DHRS4L2: variants seen among roughly 807,000 people sequenced by gnomAD.
DHRS4L2 encodes the protein dehydrogenase/reductase 4 like 2, also known as dehydrogenase/reductase SDR family member 4-like 2.
In DHRS4L2, 22 loss-of-function variants were observed where a neutral mutation model predicts 23.9. The observed-to-expected ratio is 0.92, with a 90% CI of 0.66 to 1.31. The LOEUF (loss-of-function observed/expected upper bound fraction) is 1.31, where lower values mean the gene tolerates loss of function less well. Ranked by LOEUF, DHRS4L2 falls within the 40% of genes most tolerant of loss-of-function variation. The pLI, the probability that DHRS4L2 is intolerant of heterozygous loss-of-function variation, is 0.00. For synonymous variants in DHRS4L2, 141 were observed against 123.7 expected, an observed-to-expected ratio of 1.14 and a Z score of -0.93; for missense variants, 385 against 303.3, an observed-to-expected ratio of 1.27 and a Z score of -2.00.
intron 7 of DHRS4L2, among the ~76,000 whole-genome samples, 155 bp from the exon 8 acceptor site, chr14:24,005,731 G>A (rs1186118669): frequency 1.2e-4 from 18 of 151,914 alleles, no homozygotes; most frequent in Admixed American, 1.1e-3. Flanking sequence ...GCATATCCTC[G>A]TGGTAACCCT....
upstream of DHRS4L2, among the ~76,000 whole-genome samples, chr14:23,984,512 C>T (rs927859009): frequency 4.6e-5 from 7 of 151,404 alleles, no homozygotes; most frequent in African/African-American, 1.7e-4. Flanking sequence ...ATTTAAAACA[C>T]CCGACCGGGC....
chr14:23,996,980 T>C (rs2034396257), intron 3 of DHRS4L2, among the ~76,000 whole-genome samples: 1 of 151,274 alleles, frequency 6.6e-6, no homozygotes, highest in African/African-American at 2.4e-5. Context: ...TCATGAACAG[T>C]CTGAATACAG....
intron 1 of DHRS4L2, among the ~76,000 whole-genome samples, chr14:23,974,113 T>G (rs2033920328): frequency 6.6e-6 from 1 of 151,744 alleles, no homozygotes; most frequent in South Asian, 2.1e-4. Flanking sequence ...ACTGCACAAC[T>G]ACATGGAAAC....
chr14:23,971,291 T>C (rs1252929610), intron 1 of DHRS4L2, among the ~76,000 whole-genome samples: 2 of 151,918 alleles, frequency 1.3e-5, no homozygotes, highest in Admixed American at 6.6e-5. Flanking sequence ...GAATGAAGAA[T>C]GTAGAGAAGA....
chr14:23,992,929 C>T (rs2034298884), intron 2 of DHRS4L2, among the ~76,000 whole-genome samples: 1 of 147,148 alleles, frequency 6.8e-6, no homozygotes, highest in African/African-American at 2.5e-5. Flanking sequence ...GTCCTCCCCA[C>T]TGGGCCTACC....
Position 23,995,032 on chromosome 14 carries a change from G to T in DHRS4L2, c.307G>T (p.Ala103Ser), listed in dbSNP as rs145684750. ...GTCCAGACCTTACCCCTCTCTCTAG[G>T]CTGTGAAGCTTCATGGAGGTATCGA... ...AEDRERLVAMAVKLHGGIDIL... is the reference protein window; with the variant it reads ...AEDRERLVAMSVKLHGGIDIL... Residue 103 changes from alanine to serine, a missense_variant and splice_region_variant, in exon 3 of 8, where the codon GCT becomes TCT. Coordinates refer to ENST00000335125, the MANE Select transcript of DHRS4L2 (RefSeq NM_198083.4). 4.8e-4 allele frequency: 778 copies of T among 1,612,814 alleles called. 5 individuals are homozygous for T. Among genetic ancestry groups the T allele is most frequent in the Non-Finnish European group, 6.3e-4 (748 of 1,179,408 alleles).
chr14:23,991,640 A>C lies in DHRS4L2; in HGVS notation c.306+1281A>C, dbSNP rs538976744. Among the ~76,000 whole-genome samples, 7 of 151,706 alleles carry C rather than the reference A, an allele frequency of 4.6e-5. No homozygotes were observed. The South Asian group carries it at 1.5e-3, about 32-fold the overall frequency. On this transcript the variant is annotated intron_variant, in intron 2 of 7. Coordinates refer to ENST00000335125, the MANE Select transcript of DHRS4L2 (RefSeq NM_198083.4). Reference sequence around the variant, plus strand: ...CAGCCAAGGAGGAACTGAAGGAAAGAGAGGAGCACTGTCAGTCCACAGTGG... The same window carrying C: ...CAGCCAAGGAGGAACTGAAGGAAAGCGAGGAGCACTGTCAGTCCACAGTGG...
intron 1 of DHRS4L2, among the ~76,000 whole-genome samples, chr14:23,977,347 G>C (rs912792223): frequency 6.6e-6 from 1 of 151,638 alleles, no homozygotes; most frequent in Non-Finnish European, 1.5e-5. Context: ...CATTCTCAAT[G>C]ACAAACATGA....
chr14:23,994,364 C>A (rs1338882719), intron 2 of DHRS4L2, among the ~76,000 whole-genome samples: 1 of 151,520 alleles, frequency 6.6e-6, no homozygotes, highest in East Asian at 1.9e-4. Flanking sequence ...TCAGAGACAG[C>A]CTTGGAAGAA....
intron 1 of DHRS4L2, among the ~76,000 whole-genome samples, chr14:23,989,892 C>T (rs2034229871): frequency 6.6e-6 from 1 of 151,622 alleles, no homozygotes; most frequent in Non-Finnish European, 1.5e-5. Context: ...GCTCATTTCT[C>T]ACCTCTCAGT....
chr14:24,004,699 A>G, intron 7 of DHRS4L2: 1 of 511,028 alleles, frequency 2.0e-6, no homozygotes, highest in Non-Finnish European at 3.4e-6. Flanking sequence ...AGGGACCATA[A>G]CCAAAACCAT....
chr14:23,974,706 T>C (rs1566485878), intron 1 of DHRS4L2, among the ~76,000 whole-genome samples: 1 of 151,788 alleles, frequency 6.6e-6, no homozygotes, highest in African/African-American at 2.4e-5. Flanking sequence ...CAGGACGAAG[T>C]TGAATTGCTG....
chr14:23,977,656 TC>T (rs1162563812), intron 1 of DHRS4L2, among the ~76,000 whole-genome samples: 1 of 151,764 alleles, frequency 6.6e-6, no homozygotes, highest in East Asian at 1.9e-4. Context: ...ACTTCTGTTC[TC>T]AAATTATAGA....
At chr14:23,989,165 A>C in intron 1 of DHRS4L2, 90 bp downstream of exon 1, 1 of 1,519,160 alleles carries the variant, frequency 6.6e-7, no homozygotes, top group Non-Finnish European at 8.8e-7. Flanking sequence ...CCCTGTCCTC[A>C]GACCTCACAT....
chr14:23,977,913 G>A (rs1198973410), intron 1 of DHRS4L2, among the ~76,000 whole-genome samples: 3 of 151,532 alleles, frequency 2.0e-5, no homozygotes, highest in Non-Finnish European at 4.4e-5. Flanking sequence ...CTGTAACTAT[G>A]TGCCAACCTT....
rs577896823 is a variant in DHRS4L2 at position 23,999,359 on chromosome 14, A to C, written c.409-1504A>C. Among the ~76,000 whole-genome samples, 31 of 144,748 alleles carry C rather than the reference A, an allele frequency of 2.1e-4. 1 individual carries two copies. The highest frequency in any genetic ancestry group is 6.0e-4 in the East Asian group (3 of 4,986). The allele number at this position is 144,748 out of a possible 152,430, so 95.0% of individuals were successfully genotyped here. On this transcript the variant is annotated intron_variant, in intron 3 of 7. Coordinates refer to ENST00000335125, the MANE Select transcript of DHRS4L2 (RefSeq NM_198083.4). The stretch of plus-strand genomic sequence containing the variant: ...CTCCAATTTGTAAAAAAAAAAAAAA[A>C]AAAAAAAAAAAAAAACAATATCTGC...
chr14:23,999,344 TAAAAA>T (rs71426825), intron 3 of DHRS4L2, among the ~76,000 whole-genome samples: 31 of 53,654 alleles, frequency 5.8e-4, no homozygotes, highest in East Asian at 2.0e-3. Flanking sequence ...CTCCAATTTG[TAAAAA>T]AAAAAAAAAA....
chr14:23,972,896 G>A (rs1238459938), intron 1 of DHRS4L2, among the ~76,000 whole-genome samples: 9 of 152,104 alleles, frequency 5.9e-5, no homozygotes, highest in East Asian at 5.8e-4. Flanking sequence ...GGACGTGCAC[G>A]TAAGCCAGAT....
At chr14:23,992,595 T>TA (rs2034292318) in intron 2 of DHRS4L2, among the ~76,000 whole-genome samples, 1 of 151,290 alleles carries the variant, frequency 6.6e-6, no homozygotes, top group Non-Finnish European at 1.5e-5. Flanking sequence ...TATTTTTTCT[T>TA]AAAAATGTAT....
Sources: allele counts gnomAD v4.1 joint callset (sites outside exome capture counted in the v4.1 genomes callset), GRCh38; gene constraint gnomAD v4.1.1; transcripts MANE v1.5; gene names NCBI Gene and HGNC (gene_info 2026-07-23, HGNC 2026-07-21).